The following ADAMTSL3 variants were observed in gnomAD, a reference collection of about 807,000 sequenced individuals.
The protein encoded by ADAMTSL3 is ADAMTS-like protein 3.
ADAMTSL3 carries 128 observed loss-of-function variants against 201.7 expected under a neutral mutation model. The observed-to-expected ratio is 0.63, with a 90% CI of 0.55 to 0.73. The LOEUF (loss-of-function observed/expected upper bound fraction) is 0.73, where lower values mean the gene tolerates loss of function less well. ADAMTSL3 is among the 30% of genes least tolerant of loss of function. The pLI, the probability that ADAMTSL3 is intolerant of heterozygous loss-of-function variation, is 0.00. For synonymous variants in ADAMTSL3, 738 were observed against 748.4 expected, an observed-to-expected ratio of 0.99 and a Z score of 0.23; for missense variants, 1,990 against 2,119.6, an observed-to-expected ratio of 0.94 and a Z score of 1.20.
chr15:83,941,145 A>T (rs2066550814), intron 17 of ADAMTSL3, among the ~76,000 whole-genome samples: 1 of 151,862 alleles, frequency 6.6e-6, no homozygotes, highest in African/African-American at 2.4e-5. Context: ...TTTTATATTT[A>T]ATCTCCATAC....
intron 8 of ADAMTSL3, among the ~76,000 whole-genome samples, chr15:83,863,844 A>C (rs1239056892): frequency 1.3e-5 from 2 of 152,224 alleles, no homozygotes; most frequent in Non-Finnish European, 2.9e-5. Flanking sequence ...TTTTGAAAAG[A>C]TCAACAAAAT....
chr15:84,031,464 CT>C, intron 28 of ADAMTSL3, 32 bp downstream of exon 28: 1 of 1,575,136 alleles, frequency 6.3e-7, no homozygotes, highest in Non-Finnish European at 8.7e-7. Context: ...AGCACACATT[CT>C]CTCCTGACTC....
chr15:83,828,180 G>GT (rs2064068335), intron 6 of ADAMTSL3, among the ~76,000 whole-genome samples: 1 of 152,120 alleles, frequency 6.6e-6, no homozygotes, highest in East Asian at 1.9e-4. Context: ...TCTCCCATTT[G>GT]TTGTGTCCTC....
intron 23 of ADAMTSL3, among the ~76,000 whole-genome samples, chr15:84,004,368 A>C (rs184183451): frequency 2.0e-5 from 3 of 152,348 alleles, no homozygotes; most frequent in East Asian, 3.9e-4. Flanking sequence ...GCCAAGGTTA[A>C]GAACCACTGA....
chr15:83,701,628 A>T (rs2061779466), intron 2 of ADAMTSL3, among the ~76,000 whole-genome samples: 1 of 152,212 alleles, frequency 6.6e-6, no homozygotes, highest in Admixed American at 6.5e-5. Flanking sequence ...GTCTCACAAG[A>T]TCTGATGGCT....
At chr15:83,697,792 C>T (rs1236071935) in intron 2 of ADAMTSL3, among the ~76,000 whole-genome samples, 1 of 152,104 alleles carries the variant, frequency 6.6e-6, no homozygotes, top group African/African-American at 2.4e-5. Context: ...TTGATGACCT[C>T]ATTGGCCATT....
chr15:83,792,791 CAAA>C (rs71156100), intron 4 of ADAMTSL3, among the ~76,000 whole-genome samples: 3 of 122,422 alleles, frequency 2.5e-5, no homozygotes, highest in African/African-American at 3.2e-5. Flanking sequence ...GACTCTGTCT[CAAA>C]AAAAAAAAAA....
chr15:83,713,515 C>CT (rs1001075129), intron 3 of ADAMTSL3, among the ~76,000 whole-genome samples: 56 of 149,434 alleles, frequency 3.7e-4, no homozygotes, highest in African/African-American at 1.0e-3. Context: ...ATGGGAACAT[C>CT]TTTTTTTTTT....
At chr15:83,854,003 C>T (rs1383484) in intron 7 of ADAMTSL3, among the ~76,000 whole-genome samples, 49,598 of 151,822 alleles carry the variant, frequency 0.33, 8,853 homozygotes, top group East Asian at 0.56. Flanking sequence ...AATTTACAGA[C>T]ATCACAACAC....
At chr15:83,720,822 TA>T (rs998853210) in intron 3 of ADAMTSL3, among the ~76,000 whole-genome samples, 2 of 152,206 alleles carry the variant, frequency 1.3e-5, no homozygotes, top group Admixed American at 6.5e-5. Flanking sequence ...TAATATAAAA[TA>T]AATGTCCCCA....
chr15:83,823,946 CTTCTTCTTCTTCTTCTTCTTCTTCTT>C lies in ADAMTSL3; in HGVS notation c.600+3900_600+3925del, dbSNP rs1228933484. Among the ~76,000 whole-genome samples the C allele has an allele frequency of 3.9e-3, 385 of 99,708 alleles. 11 individuals are homozygous for C. In the East Asian group the frequency reaches 0.057, roughly 15 times the overall value. The allele number at this position is 99,708 out of a possible 152,430, so 65.4% of individuals were successfully genotyped here. On this transcript the variant is annotated intron_variant, in intron 6 of 29. Transcript: ENST00000286744. ...TCTTCTTCTTCTTCTTCTTCTTCTT[CTTCTTCTTCTTCTTCTTCTTCTTCTT>C]CTCCTCCTCCTCCTCCTCCTTCTCC...
intron 8 of ADAMTSL3, among the ~76,000 whole-genome samples, chr15:83,860,197 C>T (rs1002365562): frequency 2.6e-5 from 4 of 152,090 alleles, no homozygotes; most frequent in African/African-American, 9.7e-5. Flanking sequence ...CTGAGTGACA[C>T]AGGAAGACCA....
chr15:83,948,722 A>T (rs2066703943), intron 19 of ADAMTSL3, among the ~76,000 whole-genome samples: 1 of 152,144 alleles, frequency 6.6e-6, no homozygotes, highest in Non-Finnish European at 1.5e-5. Context: ...GTATGTTCAG[A>T]TATTCTTTCT....
intron 20 of ADAMTSL3, among the ~76,000 whole-genome samples, chr15:83,977,309 G>C (rs1417710010): frequency 6.6e-6 from 1 of 152,136 alleles, no homozygotes; most frequent in Non-Finnish European, 1.5e-5. Flanking sequence ...ACCAGTACCT[G>C]GTGCCAGAAA....
intron 16 of ADAMTSL3, among the ~76,000 whole-genome samples, chr15:83,913,645 A>C (rs1407615931): frequency 2.6e-5 from 4 of 152,214 alleles, no homozygotes; most frequent in African/African-American, 9.6e-5. Flanking sequence ...GTTCATATGA[A>C]ATAAATAGGA....
intron 23 of ADAMTSL3, among the ~76,000 whole-genome samples, chr15:84,012,848 T>C (rs2068029042): frequency 6.6e-6 from 1 of 152,244 alleles, no homozygotes; most frequent in Non-Finnish European, 1.5e-5. Context: ...TCAAATAGTA[T>C]ATCTGAACAT....
At position 84,037,736 on chromosome 15, in the gene ADAMTSL3, T is replaced by TA. The variant is rs758399225; in HGVS notation, c.5010dup (p.His1671ThrfsTer3). 2 of 1,613,260 alleles carry TA rather than the reference T, an allele frequency of 1.2e-6. No homozygotes were observed. Among genetic ancestry groups the TA allele is most frequent in the South Asian group, 2.2e-5 (2 of 90,822 alleles). On this transcript the variant is annotated frameshift_variant, in exon 30 of 30. Coordinates refer to ENST00000286744, the MANE Select transcript of ADAMTSL3 (RefSeq NM_207517.3). LOFTEE classifies it high-confidence loss of function. ...GACACAACTCACTACTGTATGTTTGTAAAACATCTTAATTTGTGTTCTCTA... is the reference window on the plus strand; with the variant it reads ...GACACAACTCACTACTGTATGTTTGTAAAAACATCTTAATTTGTGTTCTCTA...
At chr15:83,873,441 G>A (rs984706953) in intron 9 of ADAMTSL3, among the ~76,000 whole-genome samples, 2 of 145,116 alleles carry the variant, frequency 1.4e-5, no homozygotes, top group African/African-American at 5.3e-5. Context: ...TTTTGAGATA[G>A]GGTCTTGCTC....
chr15:83,717,182 T>C (rs1177489536), intron 3 of ADAMTSL3, among the ~76,000 whole-genome samples: 1 of 152,200 alleles, frequency 6.6e-6, no homozygotes, highest in Non-Finnish European at 1.5e-5. Context: ...ATTCCATCAA[T>C]CCCTCAACAA....
Sources: gnomAD v4.1 joint callset for allele counts (sites outside exome capture counted in the v4.1 genomes callset) on GRCh38, gnomAD v4.1.1 for gene constraint, MANE v1.5 for transcripts, NCBI Gene and HGNC (gene_info 2026-07-23, HGNC 2026-07-21) for gene names.